The following PIWIL1 variants were observed in gnomAD, a reference collection of about 807,000 sequenced individuals.
PIWIL1 encodes the protein piwi-like protein 1.
Under a neutral mutation model 114.4 loss-of-function variants are expected in PIWIL1, and 73 were observed. The observed-to-expected ratio is 0.64, with a 90% CI of 0.53 to 0.78. The LOEUF (loss-of-function observed/expected upper bound fraction) is 0.78. Ranked by LOEUF, PIWIL1 falls within the 30% of genes least tolerant of loss-of-function variation. The pLI, the probability that PIWIL1 is intolerant of heterozygous loss-of-function variation, is 0.00. For synonymous variants in PIWIL1, 375 were observed against 369.0 expected (o/e 1.02, Z -0.19); for missense variants, 723 against 1,063.1 (o/e 0.68, Z 4.45).
chr12:130,400,577 C>T, the PIWIL1 span, among the ~76,000 whole-genome samples: 1 of 152,174 alleles, frequency 6.6e-6, no homozygotes, highest in Non-Finnish European at 1.5e-5. Flanking sequence ...TCAAAATTGG[C>T]TGGCTCTGGG....
At chr12:130,363,251 G>T in intron 18 of PIWIL1, 107 bp downstream of exon 18, 1 of 1,115,316 alleles carries the variant, frequency 9.0e-7, no homozygotes, top group Non-Finnish European at 1.3e-6. Context: ...AACTTGATAG[G>T]GACTGTAGGG....
At chr12:130,364,098 C>A (rs1047085712) in intron 18 of PIWIL1, among the ~76,000 whole-genome samples, 1 of 152,144 alleles carries the variant, frequency 6.6e-6, no homozygotes, top group Non-Finnish European at 1.5e-5. Flanking sequence ...TAATCAGTTA[C>A]GTTAACTAGT....
chr12:130,398,924 A>G, the PIWIL1 span: 1 of 320,684 alleles, frequency 3.1e-6, no homozygotes. Context: ...TTGCTTCACT[A>G]TAAATTCAGT....
the PIWIL1 span, among the ~76,000 whole-genome samples, chr12:130,381,851 T>G: frequency 6.6e-6 from 1 of 152,272 alleles, no homozygotes; most frequent in Non-Finnish European, 1.5e-5. Flanking sequence ...TTCTGATAGG[T>G]GTGTAATGGT....
At chr12:130,412,546 C>T in the PIWIL1 span, 2 of 1,406,766 alleles carry the variant, frequency 1.4e-6, no homozygotes, top group South Asian at 2.6e-5. Flanking sequence ...CTCATCACCG[C>T]CTGCCTCTCT....
chr12:130,395,537 A>G, the PIWIL1 span, among the ~76,000 whole-genome samples: 340 of 152,352 alleles, frequency 2.2e-3, 1 homozygote, highest in African/African-American at 7.5e-3. Flanking sequence ...AATATTTTCA[A>G]AAGATTTAGA....
chr12:130,384,247 T>C, the PIWIL1 span, among the ~76,000 whole-genome samples: 1 of 152,256 alleles, frequency 6.6e-6, no homozygotes, highest in South Asian at 2.1e-4. Flanking sequence ...AGCACTTTGT[T>C]TTGTTGAAAT....
At chr12:130,343,137 G>A in intron 3 of PIWIL1, 36 bp downstream of exon 3, 1 of 1,434,410 alleles carries the variant, frequency 7.0e-7, no homozygotes, top group Non-Finnish European at 9.7e-7. Context: ...TAACAACTCT[G>A]TTCAACATAT....
At chr12:130,357,416 G>A (rs1229335482) in intron 13 of PIWIL1, 65 bp from the exon 14 acceptor site, 11 of 1,149,646 alleles carry the variant, frequency 9.6e-6, no homozygotes, top group Middle Eastern at 2.0e-4. Context: ...ACACAGGAAG[G>A]TGTTTATGCA....
chr12:130,345,739 A>G lies in PIWIL1; in HGVS notation c.191-14A>G. ...CGTGCTTTATGTTGCTCAAGTACACAATTTTTTTTTAAGGACTCCAGATAT... is the reference window on the plus strand; with the variant it reads ...CGTGCTTTATGTTGCTCAAGTACACGATTTTTTTTTAAGGACTCCAGATAT... On this transcript the variant is annotated splice_polypyrimidine_tract_variant and intron_variant, in intron 3 of 20. Transcript: ENST00000245255. The G allele has an allele frequency of 4.3e-6, 7 of 1,613,310 alleles. No homozygotes were observed. The highest frequency in any genetic ancestry group is 5.9e-6 in the Non-Finnish European group (7 of 1,179,672).
At chr12:130,401,995 C>T in the PIWIL1 span, among the ~76,000 whole-genome samples, 2 of 152,244 alleles carry the variant, frequency 1.3e-5, no homozygotes, top group African/African-American at 4.8e-5. Flanking sequence ...CCAGCCCCTG[C>T]TCTGGCTGAG....
chr12:130,399,964 G>C, the PIWIL1 span: 1 of 875,664 alleles, frequency 1.1e-6, no homozygotes, highest in East Asian at 2.6e-5. Flanking sequence ...CTAAATCAGG[G>C]TTTCCAAATT....
chr12:130,424,122 AG>A, the PIWIL1 span: 31,681 of 1,203,066 alleles, frequency 0.026, 492 homozygotes, highest in Middle Eastern at 0.043. The surrounding 1 kb of genome is among the most constrained non-coding windows in gnomAD (Gnocchi z 9.8). Flanking sequence ...GGCTGTGAAA[AG>A]GAAGTTTAGG....
At chr12:130,357,787 C>G (rs1202318223) in intron 14 of PIWIL1, among the ~76,000 whole-genome samples, 1 of 152,110 alleles carries the variant, frequency 6.6e-6, no homozygotes, top group Admixed American at 6.5e-5. Flanking sequence ...AAAAACAAAG[C>G]CATCTTCAAT....
chr12:130,421,363 C>T, the PIWIL1 span, among the ~76,000 whole-genome samples: 1 of 152,174 alleles, frequency 6.6e-6, no homozygotes, highest in Non-Finnish European at 1.5e-5. Flanking sequence ...TTTAACATTG[C>T]ATGAAATTTT....
chr12:130,392,045 G>C, the PIWIL1 span, among the ~76,000 whole-genome samples: 1 of 120,988 alleles, frequency 8.3e-6, no homozygotes, highest in African/African-American at 3.1e-5. Context: ...GGTGAATATT[G>C]AATGTTGTGA....
At chr12:130,356,407 C>G (rs372131901) in intron 12 of PIWIL1, among the ~76,000 whole-genome samples, 2 of 151,778 alleles carry the variant, frequency 1.3e-5, no homozygotes, top group African/African-American at 4.8e-5. Context: ...TGAGGCCAGG[C>G]AGGGAGGTGG....
At chr12:130,350,636 C>G (rs990750171) in intron 9 of PIWIL1, among the ~76,000 whole-genome samples, 1 of 152,156 alleles carries the variant, frequency 6.6e-6, no homozygotes, top group Non-Finnish European at 1.5e-5. Context: ...ATCTGGCCCC[C>G]AAATCCTTAG....
the PIWIL1 span, among the ~76,000 whole-genome samples, chr12:130,394,755 TGTTCTA>T: frequency 6.6e-6 from 1 of 152,140 alleles, no homozygotes; most frequent in African/African-American, 2.4e-5. Flanking sequence ...AGGAGTTTTG[TGTTCTA>T]GTTTAAGCAA....
Sources: gnomAD v4.1 joint callset for allele counts (sites outside exome capture counted in the v4.1 genomes callset) on GRCh38, gnomAD v4.1.1 for gene constraint, Gnocchi (gnomAD v3.1) non-coding constraint, MANE v1.5 for transcripts, NCBI Gene and HGNC (gene_info 2026-07-23, HGNC 2026-07-21) for gene names.